The following ARPP21 variants were observed in gnomAD, a reference collection of about 807,000 sequenced individuals.
ARPP21 encodes the protein cAMP-regulated phosphoprotein 21.
In ARPP21, 69 loss-of-function variants were observed where a neutral mutation model predicts 113.2. The ratio of observed to expected loss-of-function variants is 0.61; its 90% CI spans 0.50 to 0.74. ARPP21 has a LOEUF of 0.74. Ranked by LOEUF, ARPP21 falls within the 30% of genes least tolerant of loss-of-function variation. The probability of loss-of-function intolerance (pLI) is 0.00; values close to 1 mark genes in which losing one functional copy is unlikely to be tolerated. For missense variants in ARPP21, 1,070 were observed against 1,037.4 expected (o/e 1.03, Z -0.43); for synonymous variants, 368 against 375.5 (o/e 0.98, Z 0.23).
chr3:35,687,697 G>T (rs373249313), intron 5 of ARPP21, 42 bp from the exon 6 acceptor site: 2 of 1,568,830 alleles, frequency 1.3e-6, no homozygotes, highest in South Asian at 2.4e-5. Context: ...AGACAGAGAT[G>T]ATTAAACCTG....
At chr3:35,681,209 T>A (rs2078810415) in intron 2 of ARPP21, 1 of 151,958 alleles carries the variant, frequency 6.6e-6, no homozygotes, top group Non-Finnish European at 1.5e-5. Context: ...TATGCTGAAT[T>A]ATTACCTTTT....
intron 11 of ARPP21, among the ~76,000 whole-genome samples, chr3:35,714,328 C>G (rs765960867): frequency 3.3e-5 from 5 of 152,174 alleles, no homozygotes; most frequent in African/African-American, 7.2e-5. Flanking sequence ...AATTATTTCT[C>G]TAACAAAATG....
intron 19 of ARPP21, among the ~76,000 whole-genome samples, chr3:35,759,204 T>C (rs2095673833): frequency 6.6e-6 from 1 of 151,908 alleles, no homozygotes; most frequent in Admixed American, 6.6e-5. Flanking sequence ...CTAACTGAGG[T>C]CTAAATCCAG....
At chr3:35,745,840 A>C (rs1296146516) in intron 19 of ARPP21, among the ~76,000 whole-genome samples, 3 of 152,168 alleles carry the variant, frequency 2.0e-5, no homozygotes, top group African/African-American at 7.2e-5. Context: ...CACTGGCTCC[A>C]CCTACATTCC....
intron 15 of ARPP21, among the ~76,000 whole-genome samples, chr3:35,731,277 G>A (rs2359742): frequency 0.48 from 72,656 of 151,902 alleles, 18,257 homozygotes; most frequent in East Asian, 0.8. Context: ...AATCTTGTTT[G>A]TAGAAAAAAG....
intron 19 of ARPP21, among the ~76,000 whole-genome samples, chr3:35,769,165 C>T (rs757018275): frequency 2.0e-5 from 3 of 151,906 alleles, no homozygotes; most frequent in Non-Finnish European, 4.4e-5. Flanking sequence ...CATCTGAGAC[C>T]GAGAAAGTAG....
chr3:35,769,162 G>C (rs2096100972), intron 19 of ARPP21, among the ~76,000 whole-genome samples: 1 of 152,076 alleles, frequency 6.6e-6, no homozygotes, highest in South Asian at 2.1e-4. Flanking sequence ...AATCATCTGA[G>C]ACCGAGAAAG....
Position 35,762,881 on chromosome 3 carries a change from G to T in ARPP21, c.2137+18916G>T, listed in dbSNP as rs191294313. Among the ~76,000 whole-genome samples the T allele has an allele frequency of 2.7e-3, 418 of 152,208 alleles. 2 individuals carry two copies. The highest frequency in any genetic ancestry group is 9.2e-3 in the African/African-American group (381 of 41,550). On this transcript the variant is annotated intron_variant, in intron 19 of 20. Coordinates refer to ENST00000684406, the MANE Select transcript of ARPP21 (RefSeq NM_001385562.1). The stretch of plus-strand genomic sequence containing the variant: ...ACTGTAAGACACGATCACACTCTGA[G>T]ATTATTCAATGCTGGTGAGGAGGGG...
intron 1 of ARPP21, among the ~76,000 whole-genome samples, chr3:35,653,116 A>G (rs1703150006): frequency 6.6e-6 from 1 of 152,014 alleles, no homozygotes. Context: ...ATTGTCTTGT[A>G]CTGTAAATGT....
chr3:35,696,498 G>GTCAC (rs2084082330), intron 9 of ARPP21, among the ~76,000 whole-genome samples: 1 of 151,628 alleles, frequency 6.6e-6, no homozygotes, highest in Non-Finnish European at 1.5e-5. Context: ...AACAAATAGA[G>GTCAC]TCACTGAGCT....
intron 19 of ARPP21, chr3:35,785,363 G>T (rs563739228): frequency 1.3e-5 from 2 of 152,130 alleles, no homozygotes; most frequent in Non-Finnish European, 1.5e-5. Flanking sequence ...GGCCAGGAAA[G>T]TTCAGAGAAT....
At chr3:35,779,859 C>G (rs1026123778) in intron 19 of ARPP21, among the ~76,000 whole-genome samples, 4 of 152,184 alleles carry the variant, frequency 2.6e-5, no homozygotes, top group African/African-American at 9.6e-5. Context: ...TCCTTTTAGT[C>G]CCTTTCCATA....
chr3:35,758,957 T>G (rs2095665790), intron 19 of ARPP21, among the ~76,000 whole-genome samples: 1 of 152,050 alleles, frequency 6.6e-6, no homozygotes, highest in Admixed American at 6.6e-5. Context: ...ATAGCATTTA[T>G]TTTTACATTT....
intron 7 of ARPP21, 71 bp downstream of exon 7, chr3:35,689,456 A>G (rs994043223): frequency 2.5e-6 from 2 of 808,404 alleles, no homozygotes; most frequent in African/African-American, 3.5e-5. Flanking sequence ...TTATTAATCC[A>G]ACACTTCTAA....
intron 15 of ARPP21, 45 bp from the exon 16 acceptor site, chr3:35,737,133 A>C: frequency 2.6e-6 from 3 of 1,149,672 alleles, no homozygotes; most frequent in Non-Finnish European, 3.9e-6. Flanking sequence ...ATGTCAAAGG[A>C]GAGATTGAGA....
chr3:35,681,969 TAA>T, intron 3 of ARPP21, 89 bp downstream of exon 3: 1 of 1,408,228 alleles, frequency 7.1e-7, no homozygotes, highest in Non-Finnish European at 9.5e-7. Context: ...ATTTATTTTT[TAA>T]AGAGTTTCAC....
chr3:35,737,961 A>G (rs534182689), intron 16 of ARPP21, among the ~76,000 whole-genome samples: 1 of 152,316 alleles, frequency 6.6e-6, no homozygotes, highest in South Asian at 2.1e-4. Flanking sequence ...GTATTTTCAG[A>G]CCCAGAGGAT....
intron 19 of ARPP21, among the ~76,000 whole-genome samples, chr3:35,757,636 G>A (rs1437564096): frequency 1.3e-5 from 2 of 152,092 alleles, no homozygotes; most frequent in African/African-American, 2.4e-5. Context: ...TTTATAAATT[G>A]TGAAAACAAT....
chr3:35,719,344 G>A (rs374274066), intron 13 of ARPP21, among the ~76,000 whole-genome samples: 16 of 152,204 alleles, frequency 1.1e-4, no homozygotes, highest in African/African-American at 3.1e-4. Flanking sequence ...TCCCTAAAGC[G>A]GCAACTTAAA....
Sources: allele counts gnomAD v4.1 joint callset (sites outside exome capture counted in the v4.1 genomes callset), GRCh38; gene constraint gnomAD v4.1.1; transcripts MANE v1.5; gene names NCBI Gene and HGNC (gene_info 2026-07-23, HGNC 2026-07-21).